Variants in LOC128125817 observed in about 807,000 individuals in gnomAD.
At chr1:41,609,610 C>G in the LOC128125817 span, among the ~76,000 whole-genome samples, 3 of 152,248 alleles carry the variant, frequency 2.0e-5, no homozygotes, top group South Asian at 6.2e-4. Context: ...ATAATGACAC[C>G]CCTTTTTAAG....
the LOC128125817 span, among the ~76,000 whole-genome samples, chr1:41,594,675 A>C: frequency 2.2e-4 from 34 of 152,296 alleles, no homozygotes; most frequent in Admixed American, 5.9e-4. Context: ...TATAGGTTGC[A>C]GATATCTTCT....
At chr1:41,599,019 G>A in the LOC128125817 span, among the ~76,000 whole-genome samples, 12 of 151,952 alleles carry the variant, frequency 7.9e-5, no homozygotes, top group Non-Finnish European at 1.5e-4. Context: ...GTTTCACCAT[G>A]TTGGCCAAGC....
At chr1:41,606,450 TA>T in the LOC128125817 span, among the ~76,000 whole-genome samples, 1 of 151,954 alleles carries the variant, frequency 6.6e-6, no homozygotes, top group African/African-American at 2.4e-5. Context: ...AGGATAATTC[TA>T]AAAAGTGAAG....
chr1:41,623,542 T>G, the LOC128125817 span, among the ~76,000 whole-genome samples: 2 of 152,214 alleles, frequency 1.3e-5, no homozygotes, highest in African/African-American at 4.8e-5. Flanking sequence ...TCTATCCCCT[T>G]GAGGCTTCTC....
At chr1:41,587,162 A>G in the LOC128125817 span, among the ~76,000 whole-genome samples, 3 of 152,228 alleles carry the variant, frequency 2.0e-5, no homozygotes, top group African/African-American at 7.2e-5. Context: ...GCAGTGAATG[A>G]TGCAGGAGAT....
At chr1:41,587,495 T>C in the LOC128125817 span, among the ~76,000 whole-genome samples, 4 of 152,178 alleles carry the variant, frequency 2.6e-5, no homozygotes, top group African/African-American at 9.6e-5. Flanking sequence ...ACAACAGGAA[T>C]AAACAAAGAC....
At chr1:41,603,714 T>G in the LOC128125817 span, among the ~76,000 whole-genome samples, 1 of 152,244 alleles carries the variant, frequency 6.6e-6, no homozygotes, top group Admixed American at 6.5e-5. Context: ...TTTGGTATGC[T>G]TTCAATCTTA....
the LOC128125817 span, among the ~76,000 whole-genome samples, chr1:41,589,646 C>T: frequency 6.6e-6 from 1 of 152,212 alleles, no homozygotes; most frequent in Non-Finnish European, 1.5e-5. Flanking sequence ...TGGCAGGAGG[C>T]CAGCTTGAAT....
chr1:41,621,521 G>T, the LOC128125817 span, among the ~76,000 whole-genome samples: 1 of 152,156 alleles, frequency 6.6e-6, no homozygotes, highest in Non-Finnish European at 1.5e-5. Flanking sequence ...CTTTTGTTTT[G>T]TTTTGTTTTT....
At chr1:41,603,160 G>A in the LOC128125817 span, among the ~76,000 whole-genome samples, 3 of 151,564 alleles carry the variant, frequency 2.0e-5, no homozygotes, top group Non-Finnish European at 4.4e-5. Context: ...TCCACCTCCC[G>A]GGTTCAAGCA....
the LOC128125817 span, among the ~76,000 whole-genome samples, chr1:41,610,153 ATC>A: frequency 6.6e-6 from 1 of 152,008 alleles, no homozygotes; most frequent in African/African-American, 2.4e-5. Flanking sequence ...ATTCCTTAAA[ATC>A]TCTCTCTCTG....
At chr1:41,586,187 A>C in the LOC128125817 span, among the ~76,000 whole-genome samples, 1 of 152,148 alleles carries the variant, frequency 6.6e-6, no homozygotes, top group Non-Finnish European at 1.5e-5. Context: ...GGAGGAGCAA[A>C]GTTGGTCTGC....
chr1:41,625,017 A>T, the LOC128125817 span, among the ~76,000 whole-genome samples: 9 of 152,098 alleles, frequency 5.9e-5, no homozygotes, highest in African/African-American at 2.2e-4. Context: ...TACAAAAATT[A>T]GCTGGTGTGG....
At chr1:41,598,321 C>A in the LOC128125817 span, among the ~76,000 whole-genome samples, 1 of 152,158 alleles carries the variant, frequency 6.6e-6, no homozygotes, top group Non-Finnish European at 1.5e-5. Context: ...GTGACTGTGG[C>A]ACAAAAGGCA....
the LOC128125817 span, among the ~76,000 whole-genome samples, chr1:41,594,509 A>G: frequency 6.6e-6 from 1 of 152,138 alleles, no homozygotes; most frequent in Non-Finnish European, 1.5e-5. Flanking sequence ...GGTGTGAGCC[A>G]CCCCGCCTGG....
chr1:41,612,319 C>T, the LOC128125817 span, among the ~76,000 whole-genome samples: 1 of 152,200 alleles, frequency 6.6e-6, no homozygotes, highest in African/African-American at 2.4e-5. Flanking sequence ...ATCATAATCC[C>T]AACAATGCCG....
the LOC128125817 span, among the ~76,000 whole-genome samples, chr1:41,613,040 A>G: frequency 6.6e-6 from 1 of 152,236 alleles, no homozygotes; most frequent in East Asian, 1.9e-4. Flanking sequence ...GGACCTGGAC[A>G]GGGCAGAGGA....
the LOC128125817 span, among the ~76,000 whole-genome samples, chr1:41,587,062 A>G: frequency 6.6e-6 from 1 of 152,064 alleles, no homozygotes; most frequent in Non-Finnish European, 1.5e-5. Flanking sequence ...GAGAAAAGGG[A>G]GATTTGGTCC....
At chr1:41,615,599 T>C in the LOC128125817 span, among the ~76,000 whole-genome samples, 2 of 152,274 alleles carry the variant, frequency 1.3e-5, no homozygotes, top group Admixed American at 1.3e-4. Flanking sequence ...AACCAAAGGC[T>C]GAAACTCACC....
Sources: gnomAD v4.1 joint callset for allele counts (sites outside exome capture counted in the v4.1 genomes callset) on GRCh38, gnomAD v4.1.1 for gene constraint, MANE v1.5 for transcripts.